PDGFB: variants seen among roughly 807,000 people sequenced by gnomAD.
PDGFB encodes platelet-derived growth factor subunit B.
In PDGFB, 6 loss-of-function variants were observed where a neutral mutation model predicts 29.0. The observed-to-expected ratio is 0.21, with a 90% CI of 0.11 to 0.41. The LOEUF (loss-of-function observed/expected upper bound fraction) is 0.41. PDGFB is among the 10% of genes least tolerant of loss of function. PDGFB has a pLI of 1.00. For missense variants in PDGFB, 299 were observed against 341.8 expected (o/e 0.87, Z 0.99); for synonymous variants, 144 against 140.8 (o/e 1.02, Z -0.16).
In PDGFB at chr22:39,243,913, C is replaced by T; in HGVS notation, c.51G>A (p.Leu17=). The change falls in exon 1 of 7, where the codon CTG becomes CTA. Residue 17 remains leucine (L), a synonymous_variant. Transcript: ENST00000331163. The surrounding 1 kb of genome is among the most constrained non-coding windows in gnomAD (Gnocchi z 6.4). ...CGTGGCAACTCACCTCGGCGCTGAC[C>T]AGACGCAGGTAGCAGCAGAGAGACA... ...LFLSLCCYLR[L]VSAEGDPIPE... 6 of 1,607,274 alleles carry T rather than the reference C, an allele frequency of 3.7e-6. No individual in the cohort carries two copies. The highest frequency in any genetic ancestry group is 1.1e-5 in the South Asian group (1 of 90,160).
chr22:39,231,253 T>A lies in PDGFB; in HGVS notation c.456+369A>T, dbSNP rs1303708051. On this transcript the variant is annotated intron_variant, in intron 4 of 6. Coordinates refer to ENST00000331163, the MANE Select transcript of PDGFB (RefSeq NM_002608.4). The surrounding 1 kb of genome is among the most constrained non-coding windows in gnomAD (Gnocchi z 4.3). ...GAACCTGAGTAGCTCCCCAAAACAT[T>A]CTGAGTGTCAGATAAATGTTTGCGG... Among the ~76,000 whole-genome samples the A allele has an allele frequency of 6.6e-6, 1 of 152,242 alleles. No homozygotes were observed. Among genetic ancestry groups the A allele is most frequent in the Non-Finnish European group, 1.5e-5 (1 of 68,044 alleles).
rs1421879767 is a variant in PDGFB, at chr22:39,242,592, G to A, written c.63+1309C>T. ...GGCCGCGGAAGGGCGGGGCCCCCGG[G>A]CGGGCGGCCTGCGGCCCTCGAGGAG... is the stretch of plus-strand genomic sequence containing the variant. On this transcript the variant is annotated intron_variant, in intron 1 of 6. Coordinates refer to ENST00000331163, the MANE Select transcript of PDGFB (RefSeq NM_002608.4). This position sits in a 1 kb window ranked among gnomAD's most constrained non-coding sequence, Gnocchi z 5.7. 6.6e-6 allele frequency among the ~76,000 whole-genome samples: 1 copy of A among 151,376 alleles called. No homozygotes were observed. The highest frequency in any genetic ancestry group is 2.4e-5 in the African/African-American group (1 of 41,330).
At chr22:39,240,284 G>T (rs902865473) in intron 1 of PDGFB, among the ~76,000 whole-genome samples, 15 of 152,038 alleles carry the variant, frequency 9.9e-5, no homozygotes, top group African/African-American at 3.6e-4. Flanking sequence ...ATCCCAGCCA[G>T]GGGACGGGGC....
Position 39,231,924 on chromosome 22 carries a change from C to T in PDGFB, c.251-97G>A. 3 of 997,114 alleles carry T rather than the reference C, an allele frequency of 3.0e-6. No homozygotes were observed. Among genetic ancestry groups the T allele is most frequent in the South Asian group, 1.6e-5 (1 of 63,680 alleles). 61.8% of individuals were successfully genotyped at this position (997,114 alleles called of 1,614,324 possible). On this transcript the variant is annotated intron_variant, in intron 3 of 6. Coordinates refer to ENST00000331163, the MANE Select transcript of PDGFB (RefSeq NM_002608.4). This position sits in a 1 kb window ranked among gnomAD's most constrained non-coding sequence, Gnocchi z 4.3. ...GCGGGTGCCTCCGGGACTGCTCTTT[C>T]TCACGCCCTTCAACCCCAGGGTTCA...
At chr22:39,227,934 C>A (rs1330095554) in intron 5 of PDGFB, among the ~76,000 whole-genome samples, 1 of 152,212 alleles carries the variant, frequency 6.6e-6, no homozygotes, top group Non-Finnish European at 1.5e-5. Context: ...TCCCCTCAGA[C>A]AGAAGACACC....
At chr22:39,229,981 A>T in intron 5 of PDGFB, 103 bp downstream of exon 5, 1 of 1,334,302 alleles carries the variant, frequency 7.5e-7, no homozygotes, top group Non-Finnish European at 1.0e-6. Context: ...CCGTGAATTT[A>T]ACCGGGGGCG....
chr22:39,238,801 C>T (rs1021070247), intron 1 of PDGFB, among the ~76,000 whole-genome samples: 39 of 152,344 alleles, frequency 2.6e-4, no homozygotes, highest in Admixed American at 8.5e-4. Context: ...TCAACCAGGG[C>T]CCAGTGGGCC....
At chr22:39,234,909 G>A (rs1202185437) in intron 2 of PDGFB, among the ~76,000 whole-genome samples, 2 of 152,198 alleles carry the variant, frequency 1.3e-5, no homozygotes, top group Non-Finnish European at 2.9e-5. Context: ...GTGGCCAGGG[G>A]CGGCCAGTCG....
intron 3 of PDGFB, among the ~76,000 whole-genome samples, chr22:39,232,291 C>T (rs190132758): frequency 1.3e-3 from 197 of 152,318 alleles, no homozygotes; most frequent in Non-Finnish European, 2.0e-3. Context: ...GCTTTCAAAG[C>T]CTCAGCTTCC....
chr22:39,228,631 G>A (rs1052772214), intron 5 of PDGFB, among the ~76,000 whole-genome samples: 21 of 152,132 alleles, frequency 1.4e-4, no homozygotes, highest in Admixed American at 1.2e-3. Flanking sequence ...GCTCACGCCT[G>A]TAATCCCAGC....
chr22:39,227,033 A>T (rs911710422), intron 5 of PDGFB, among the ~76,000 whole-genome samples: 3 of 152,372 alleles, frequency 2.0e-5, no homozygotes, highest in East Asian at 3.9e-4. Context: ...ATCTCAGCTC[A>T]CTGCAACCTC....
intron 5 of PDGFB, among the ~76,000 whole-genome samples, chr22:39,227,670 G>A (rs1384539277): frequency 6.6e-6 from 1 of 152,184 alleles, no homozygotes; most frequent in Non-Finnish European, 1.5e-5. Flanking sequence ...GACAGTGCCT[G>A]TGAGCCTCAG....
chr22:39,226,706 C>T (rs4990914), intron 5 of PDGFB, among the ~76,000 whole-genome samples: 56,361 of 151,870 alleles, frequency 0.37, 10,953 homozygotes, highest in Middle Eastern at 0.49. Flanking sequence ...CCCAACCTCT[C>T]AGCCCCGTCC....
At position 39,231,845 on chromosome 22, in the gene PDGFB, C is replaced by T; in HGVS notation, c.251-18G>A. On this transcript the variant is annotated intron_variant, in intron 3 of 6. Transcript: ENST00000331163. This position sits in a 1 kb window ranked among gnomAD's most constrained non-coding sequence, Gnocchi z 4.3. ...CAGGGAACCTGGGAGGAGACGAAAC[C>T]TGGGTCAGGAGCGTAGGCCTGTCCA... 2 of 1,608,238 alleles carry T rather than the reference C, an allele frequency of 1.2e-6. No individual in the cohort carries two copies. Among genetic ancestry groups the T allele is most frequent in the South Asian group, 1.1e-5 (1 of 90,506 alleles).
intron 2 of PDGFB, among the ~76,000 whole-genome samples, chr22:39,234,910 CG>C (rs1465346206): frequency 6.6e-6 from 1 of 152,050 alleles, no homozygotes; most frequent in Non-Finnish European, 1.5e-5. Flanking sequence ...TGGCCAGGGG[CG>C]GCCAGTCGGG....
rs201657673 is a variant in PDGFB at position 39,233,737 on chromosome 22, TC to T, written c.161-214del. ...CTGCAGGCCCAGGATCCTGACTGCATCCCTGGCTCTTTAGCCAACATTTTTG... is the reference window on the plus strand; with the variant it reads ...CTGCAGGCCCAGGATCCTGACTGCATCCTGGCTCTTTAGCCAACATTTTTG... On this transcript the variant is annotated intron_variant, in intron 2 of 6. Coordinates refer to ENST00000331163, the MANE Select transcript of PDGFB (RefSeq NM_002608.4). Among the ~76,000 whole-genome samples the T allele has an allele frequency of 1.6e-3, 240 of 152,296 alleles. 2 individuals carry two copies. In the East Asian group the frequency reaches 0.028, roughly 18 times the overall value.
Position 39,243,910 on chromosome 22 carries a change from G to A in PDGFB, c.54C>T (p.Val18=). The part of the protein sequence containing the change: ...FLSLCCYLRL[V]SAEGDPIPEE... ...CGCCGTGGCAACTCACCTCGGCGCTGACCAGACGCAGGTAGCAGCAGAGAG... is the reference window on the plus strand; with the variant it reads ...CGCCGTGGCAACTCACCTCGGCGCTAACCAGACGCAGGTAGCAGCAGAGAG... Residue 18 remains valine, a synonymous_variant, in exon 1 of 7, where the codon GTC becomes GTT. Transcript: ENST00000331163. The surrounding 1 kb of genome is among the most constrained non-coding windows in gnomAD (Gnocchi z 6.4). 6.2e-7 allele frequency: 1 copy of A among 1,607,146 alleles called. No individual in the cohort carries two copies. The highest frequency in any genetic ancestry group is 8.5e-7 in the Non-Finnish European group (1 of 1,177,206).
In PDGFB at chr22:39,225,787, C is replaced by T; in HGVS notation, c.662G>A (p.Gly221Asp). 6.2e-7 allele frequency: 1 copy of T among 1,614,150 alleles called. No homozygotes were observed. The highest frequency in any genetic ancestry group is 8.5e-7 in the Non-Finnish European group (1 of 1,180,008). Reference sequence around the variant, plus strand: ...CGTGTGCTTGAATTTCCGGTGCTTGCCCTTGGGGGGCCGGCGGACTCGCAC... The same window carrying T: ...CGTGTGCTTGAATTTCCGGTGCTTGTCCTTGGGGGGCCGGCGGACTCGCAC... ...RTVRVRRPPK[G>D]KHRKFKHTHD... is the part of the protein sequence containing the mutation. The change falls in exon 6 of 7, where the codon GGC becomes GAC. Residue 221 changes from glycine to aspartate, a missense_variant. Physicochemically the swap from Gly to Asp is moderately conservative, Grantham distance 94 (BLOSUM62 -1). Coordinates refer to ENST00000331163, the MANE Select transcript of PDGFB (RefSeq NM_002608.4).
chr22:39,233,569 G>A (rs1932366057), intron 2 of PDGFB, 45 bp from the exon 3 acceptor site: 6 of 1,422,020 alleles, frequency 4.2e-6, no homozygotes, highest in Non-Finnish European at 5.8e-6. Context: ...CCCACCTTGG[G>A]CAGGGGCTCC....
Sources: gnomAD v4.1 joint callset for allele counts (sites outside exome capture counted in the v4.1 genomes callset) on GRCh38, gnomAD v4.1.1 for gene constraint, Gnocchi (gnomAD v3.1) non-coding constraint, MANE v1.5 for transcripts, NCBI Gene and HGNC (gene_info 2026-07-23, HGNC 2026-07-21) for gene names.